C8orf74: variants seen among roughly 807,000 people sequenced by gnomAD.
The protein encoded by C8orf74 is uncharacterized protein C8orf74.
C8orf74 carries 29 observed loss-of-function variants against 22.2 expected under a neutral mutation model. The ratio of observed to expected loss-of-function variants is 1.31; its 90% confidence interval spans 0.97 to 1.78. C8orf74 has a LOEUF of 1.78. C8orf74 is among the 40% of genes most tolerant of loss of function. The pLI is 0.00. For missense variants in C8orf74, 515 were observed against 369.9 expected (o/e 1.39, Z -3.22); for synonymous variants, 255 against 163.1 (o/e 1.56, Z -4.30).
At chr8:10,694,498 T>C (rs1158581398) in intron 2 of C8orf74, among the ~76,000 whole-genome samples, 1 of 152,098 alleles carries the variant, frequency 6.6e-6, no homozygotes, top group Non-Finnish European at 1.5e-5. Flanking sequence ...AAGGAGGGTA[T>C]GGTAATCCAC....
Position 10,700,317 on chromosome 8 carries a change from C to T in C8orf74, c.731C>T (p.Thr244Ile), listed in dbSNP as rs1191003617. The T allele has an allele frequency of 5.0e-6, 8 of 1,613,794 alleles. No individual in the cohort carries two copies. The highest frequency in any genetic ancestry group is 6.8e-6 in the Non-Finnish European group (8 of 1,179,846). ...QELLQRQIQN[T>I]FAILDLKLQK... ...CTGCTGCAGCGCCAGATCCAGAACA[C>T]ATTCGCCATCTTGGACCTGAAGCTT... Residue 244 changes from threonine to isoleucine, a missense_variant, in exon 4 of 4, where the codon ACA (threonine) becomes ATA (isoleucine). By Grantham distance (89) the Thr-to-Ile change is moderately conservative. Coordinates refer to ENST00000304519, the MANE Select transcript of C8orf74 (RefSeq NM_001040032.2).
At chr8:10,673,569 C>G (rs907271884) in intron 1 of C8orf74, 1 of 153,462 alleles carries the variant, frequency 6.5e-6, no homozygotes, top group African/African-American at 2.4e-5. Flanking sequence ...TCAGGAAAGT[C>G]AAATTTTATT....
rs538787105 is a variant in C8orf74, at chr8:10,694,969, C to T, written c.242-2630C>T. ...ATAGATGGGTGGGTGGAAGGATGGA[C>T]GGATGGATGGATGGATAAGTGGAAG... is the stretch of plus-strand genomic sequence containing the variant. On this transcript the variant is annotated intron_variant, in intron 2 of 3. Transcript: ENST00000304519. 3.7e-4 allele frequency among the ~76,000 whole-genome samples: 54 copies of T among 147,692 alleles called. 1 individual carries two copies. The highest frequency in any genetic ancestry group is 1.0e-3 in the African/African-American group (41 of 39,782).
At chr8:10,698,150 CT>C in intron 3 of C8orf74, 145 bp downstream of exon 3, 14 of 770,810 alleles carry the variant, frequency 1.8e-5, no homozygotes, top group South Asian at 2.5e-5. Context: ...CTACCACGAG[CT>C]TCGCGGTAGA....
chr8:10,684,778 T>C (rs1231275359), intron 2 of C8orf74, among the ~76,000 whole-genome samples: 1 of 152,262 alleles, frequency 6.6e-6, no homozygotes, highest in Non-Finnish European at 1.5e-5. Flanking sequence ...TCGAGAACTT[T>C]CACCTTTTCA....
chr8:10,693,021 C>G (rs892899901), intron 2 of C8orf74: 2 of 152,324 alleles, frequency 1.3e-5, no homozygotes, highest in African/African-American at 4.8e-5. Context: ...GGGAGATGGG[C>G]AGTGGAGAGG....
rs923192867 is a variant in C8orf74 at position 10,697,842 on chromosome 8, G to A, written c.485G>A (p.Trp162Ter). ...PLAEGMDRDL[W>*]IHEQQVATLT... The stretch of plus-strand genomic sequence containing the variant: ...GCCGAGGGCATGGACAGGGACTTGT[G>A]GATCCACGAGCAGCAGGTGGCCACA... The change falls in exon 3 of 4, where the codon TGG becomes TAG. Residue 162 changes from tryptophan to a stop codon, truncating the protein, a stop_gained. Transcript: ENST00000304519. LOFTEE classifies it high-confidence loss of function. 8.7e-6 allele frequency: 14 copies of A among 1,613,712 alleles called. No homozygotes were observed. The highest frequency in any genetic ancestry group is 1.2e-5 in the Non-Finnish European group (14 of 1,179,754).
intron 2 of C8orf74, among the ~76,000 whole-genome samples, chr8:10,681,570 A>C (rs986456109): frequency 2.8e-4 from 43 of 152,144 alleles, no homozygotes; most frequent in Admixed American, 7.9e-4. Flanking sequence ...CCCCTGCTTC[A>C]GGCTTCCCTT....
chr8:10,696,552 A>G (rs1413192887), intron 2 of C8orf74, among the ~76,000 whole-genome samples: 1 of 149,420 alleles, frequency 6.7e-6, no homozygotes, highest in Non-Finnish European at 1.5e-5. Flanking sequence ...GGTTCAAGCA[A>G]TTCTCCTGCC....
chr8:10,681,968 G>A (rs943665371), intron 2 of C8orf74, among the ~76,000 whole-genome samples: 7 of 152,300 alleles, frequency 4.6e-5, no homozygotes, highest in East Asian at 1.9e-4. Flanking sequence ...CAGCCTTGGC[G>A]GGCAGGAGGC....
intron 2 of C8orf74, among the ~76,000 whole-genome samples, chr8:10,678,592 T>TA (rs60385154): frequency 0.016 from 2,126 of 130,936 alleles, 17 homozygotes; most frequent in Middle Eastern, 0.052. Context: ...GGAAGTAATT[T>TA]AAAAAAAAAA....
chr8:10,683,507 G>C (rs1030556077), intron 2 of C8orf74, among the ~76,000 whole-genome samples: 1 of 152,230 alleles, frequency 6.6e-6, no homozygotes, highest in African/African-American at 2.4e-5. Context: ...ATGGCACTGT[G>C]TCCCTGAGAC....
At position 10,676,992 on chromosome 8, in the gene C8orf74, C is replaced by T. The variant is rs73200715; in HGVS notation, c.241+2154C>T. 9.9e-3 allele frequency among the ~76,000 whole-genome samples: 1,503 copies of T among 152,298 alleles called. 10 individuals are homozygous for T. The highest frequency in any genetic ancestry group is 0.012 in the African/African-American group (513 of 41,550). On this transcript the variant is annotated intron_variant, in intron 2 of 3. Coordinates refer to ENST00000304519, the MANE Select transcript of C8orf74 (RefSeq NM_001040032.2). ...ACCCAACTTCAACCCAAGATTAGGG[C>T]GCTCTGGAGCTTTCGGCACTTCTGG...
At chr8:10,690,530 A>AGCAGTGCCACGCTGT (rs1799355072) in intron 2 of C8orf74, among the ~76,000 whole-genome samples, 1 of 152,180 alleles carries the variant, frequency 6.6e-6, no homozygotes, top group Non-Finnish European at 1.5e-5. Context: ...GGGAAAGGTG[A>AGCAGTGCCACGCTGT]GCAGTGCCAC....
intron 2 of C8orf74, among the ~76,000 whole-genome samples, chr8:10,683,410 T>A (rs560695128): frequency 1.3e-5 from 2 of 152,310 alleles, no homozygotes; most frequent in South Asian, 2.1e-4. Context: ...TCTTCCTCCA[T>A]CAGCTGGACT....
intron 3 of C8orf74, among the ~76,000 whole-genome samples, chr8:10,699,444 TG>T (rs1799605386): frequency 6.6e-6 from 1 of 152,228 alleles, no homozygotes; most frequent in Non-Finnish European, 1.5e-5. Flanking sequence ...ATCTTTTAAG[TG>T]AATACAAGAT....
intron 3 of C8orf74, among the ~76,000 whole-genome samples, chr8:10,698,495 C>A (rs539028091): frequency 7.2e-4 from 109 of 152,158 alleles, no homozygotes; most frequent in African/African-American, 2.6e-3. Context: ...GGAGCTGGGG[C>A]CCAGGGAGGA....
intron 2 of C8orf74, among the ~76,000 whole-genome samples, chr8:10,697,224 A>T (rs549997402): frequency 6.6e-6 from 1 of 152,242 alleles, no homozygotes; most frequent in South Asian, 2.1e-4. Context: ...GGATCGCTTG[A>T]GCTCAGGAGT....
Position 10,700,273 on chromosome 8 carries a change from G to T in C8orf74, c.687G>T (p.Gln229His). 6.2e-7 allele frequency: 1 copy of T among 1,612,750 alleles called. No individual in the cohort carries two copies. Among genetic ancestry groups the T allele is most frequent in the Non-Finnish European group, 8.5e-7 (1 of 1,178,936 alleles). ...ESLICQAVHT[Q>H]MELLQELLQR... ...TCATCTGCCAGGCAGTCCACACCCA[G>T]ATGGAGCTCCTGCAGGAGCTGCTGC... Residue 229 changes from glutamine to histidine, a missense_variant, in exon 4 of 4, where the codon CAG (glutamine) becomes CAT (histidine). Gln to His is a conservative substitution (Grantham distance 24). Transcript: ENST00000304519.
Sources: allele counts gnomAD v4.1 joint callset (sites outside exome capture counted in the v4.1 genomes callset), GRCh38; gene constraint gnomAD v4.1.1; transcripts MANE v1.5; gene names NCBI Gene and HGNC (gene_info 2026-07-23, HGNC 2026-07-21).